Variants in PSMF1 observed in about 807,000 individuals in gnomAD.
PSMF1 encodes proteasome inhibitor subunit 1, also known as proteasome inhibitor PI31 subunit.
PSMF1 carries 30 observed loss-of-function variants against 29.3 expected under a neutral mutation model. That is an observed-to-expected ratio of 1.02 (90% CI 0.77 to 1.39). The LOEUF (loss-of-function observed/expected upper bound fraction) is 1.39, where lower values mean the gene tolerates loss of function less well. Among genes scored for constraint, PSMF1 ranks in the 40% most tolerant of loss-of-function variants. PSMF1 has a pLI of 0.00. For synonymous variants in PSMF1, 134 were observed against 139.7 expected (o/e 0.96, Z 0.29); for missense variants, 344 against 357.5 (o/e 0.96, Z 0.31).
At position 1,163,035 on chromosome 20, in the gene PSMF1, G is replaced by T; in HGVS notation, c.552-95G>T. On this transcript the variant is annotated intron_variant, in intron 4 of 6. Coordinates refer to ENST00000335877, the MANE Select transcript of PSMF1 (RefSeq NM_006814.5). This position sits in a 1 kb window ranked among gnomAD's most constrained non-coding sequence, Gnocchi z 6.1. ...TCCCTTGTGCTATGGTCTCATGCAA[G>T]GGTTTCCCATGCCTGTGAGTGTGTT... 7.3e-7 allele frequency: 1 copy of T among 1,371,138 alleles called. No individual in the cohort carries two copies. The highest frequency in any genetic ancestry group is 2.4e-5 in the East Asian group (1 of 42,468). The allele number at this position is 1,371,138 out of a possible 1,614,324, so 84.9% of individuals were successfully genotyped here.
chr20:1,136,480 C>T (rs532046575), intron 4 of PSMF1, among the ~76,000 whole-genome samples: 1 of 152,236 alleles, frequency 6.6e-6, no homozygotes, highest in South Asian at 2.1e-4. Context: ...AGACCCAATG[C>T]CCATTTCAAA....
At chr20:1,120,418 G>A (rs1203432375) in intron 1 of PSMF1, among the ~76,000 whole-genome samples, 2 of 152,090 alleles carry the variant, frequency 1.3e-5, no homozygotes, top group Non-Finnish European at 2.9e-5. Context: ...CTTTCTCTTT[G>A]TGCTGCTCTT....
At chr20:1,137,703 A>G (rs2086324914) in intron 4 of PSMF1, among the ~76,000 whole-genome samples, 1 of 152,220 alleles carries the variant, frequency 6.6e-6, no homozygotes, top group Admixed American at 6.5e-5. Context: ...TTGGATCTTG[A>G]TTCAAACTAA....
At chr20:1,141,339 A>G (rs1217790030) in intron 4 of PSMF1, among the ~76,000 whole-genome samples, 1 of 152,230 alleles carries the variant, frequency 6.6e-6, no homozygotes, top group Non-Finnish European at 1.5e-5. Flanking sequence ...TATCTCAATA[A>G]AGCTATAAAA....
Position 1,166,222 on chromosome 20 carries a change from T to G in PSMF1, c.*1142T>G, listed in dbSNP as rs2086728516. 1.2e-6 allele frequency: 2 copies of G among 1,612,286 alleles called. No individual in the cohort carries two copies. Among genetic ancestry groups the G allele is most frequent in the South Asian group, 2.2e-5 (2 of 90,870 alleles). ...GACCTTTGGTGTTCTCCGGATCCTTTTCAGCCCGAGGCCTGACAGACGCGG... is the reference window on the plus strand; with the variant it reads ...GACCTTTGGTGTTCTCCGGATCCTTGTCAGCCCGAGGCCTGACAGACGCGG... On this transcript the variant is annotated 3_prime_UTR_variant, in exon 7 of 7. Transcript: ENST00000335877.
At chr20:1,123,101 T>C (rs1289753943) in intron 1 of PSMF1, among the ~76,000 whole-genome samples, 1 of 152,248 alleles carries the variant, frequency 6.6e-6, no homozygotes, top group Non-Finnish European at 1.5e-5. Flanking sequence ...AGTTTTACTT[T>C]TGTTTTTCCT....
At chr20:1,153,376 A>G (rs534149103) in intron 4 of PSMF1, among the ~76,000 whole-genome samples, 1 of 152,102 alleles carries the variant, frequency 6.6e-6, no homozygotes, top group Non-Finnish European at 1.5e-5. Context: ...CCTCAGCTCC[A>G]TAAGACCTTC....
rs745705853 is a variant in PSMF1, at chr20:1,118,811, C to G, written c.38C>G (p.Pro13Arg). 6 of 1,613,558 alleles carry G rather than the reference C, an allele frequency of 3.7e-6. No homozygotes were observed. Among genetic ancestry groups the G allele is most frequent in the East Asian group, 4.5e-5 (2 of 44,884 alleles). ...GAGGTACTGTTCGCATCGGCAGCGC[C>G]GGCCATCACCTGCAGGCAGGACGCG... ...GLEVLFASAA[P>R]AITCRQDALV... Residue 13 changes from proline (P) to arginine (R), a missense_variant, in exon 1 of 7, where the codon CCG (proline) becomes CGG (arginine). Pro to Arg is a moderately radical substitution (Grantham distance 103). Transcript: ENST00000335877.
Position 1,135,316 on chromosome 20 carries a change from G to A in PSMF1, c.551+10G>A, listed in dbSNP as rs1481304223. On this transcript the variant is annotated intron_variant, in intron 4 of 6. Coordinates refer to ENST00000335877, the MANE Select transcript of PSMF1 (RefSeq NM_006814.5). ...GTCGGCAGCCTCCCTGGTGAGTACA[G>A]AGTGCCTAGCGGGAAGCCCATGCTT... 10 of 1,603,886 alleles carry A rather than the reference G, an allele frequency of 6.2e-6. No homozygotes were observed. Among genetic ancestry groups the A allele is most frequent in the Non-Finnish European group, 8.5e-6 (10 of 1,174,816 alleles).
intron 1 of PSMF1, among the ~76,000 whole-genome samples, chr20:1,123,494 A>G (rs1167987463): frequency 6.6e-6 from 1 of 152,176 alleles, no homozygotes; most frequent in Admixed American, 6.5e-5. Context: ...GTGGTACTGG[A>G]GTGTAAACCT....
intron 4 of PSMF1, chr20:1,161,495 C>A (rs2086666583): frequency 3.9e-6 from 2 of 516,584 alleles, no homozygotes; most frequent in African/African-American, 3.9e-5. Context: ...TGTACCCAAG[C>A]ATCTCCAACA....
At chr20:1,143,644 A>G (rs144077071) in intron 4 of PSMF1, among the ~76,000 whole-genome samples, 280 of 152,344 alleles carry the variant, frequency 1.8e-3, no homozygotes, top group African/African-American at 6.4e-3. Context: ...TGAAATTTAA[A>G]ACTTTTGCTC....
chr20:1,161,388 A>G, intron 4 of PSMF1: 1 of 355,420 alleles, frequency 2.8e-6, no homozygotes, highest in Non-Finnish European at 5.2e-6. Context: ...GGAATTTTGC[A>G]GCATCCATGA....
Position 1,168,751 on chromosome 20 carries a change from C to CT in PSMF1, c.*3671_*3672insT, listed in dbSNP as rs1450374166. Among the ~76,000 whole-genome samples, 5 of 152,170 alleles carry CT rather than the reference C, an allele frequency of 3.3e-5. No individual in the cohort carries two copies. The highest frequency in any genetic ancestry group is 7.3e-5 in the Non-Finnish European group (5 of 68,036). On this transcript the variant is annotated 3_prime_UTR_variant, in exon 7 of 7. Coordinates refer to ENST00000335877, the MANE Select transcript of PSMF1 (RefSeq NM_006814.5). The stretch of plus-strand genomic sequence containing the variant: ...TGTTAATAACATTCTATTAATGATC[C>CT]ATGCCTCTCTTCACAGGAGGAATAT...
At chr20:1,118,585 C>A (rs2086036318), upstream of PSMF1, 2 of 629,348 alleles carry the variant, frequency 3.2e-6, no homozygotes, top group Non-Finnish European at 5.0e-6. Context: ...GTTGCGCCCG[C>A]TGTTGGGACT....
chr20:1,118,131 T>G (rs907462267), upstream of PSMF1: 3 of 152,304 alleles, frequency 2.0e-5, no homozygotes, highest in African/African-American at 7.2e-5. Flanking sequence ...CCATAACCAT[T>G]TCAGCCGTTC....
chr20:1,164,881 G>A lies in PSMF1; in HGVS notation c.765-148G>A. 1 of 742,382 alleles carries A rather than the reference G, an allele frequency of 1.3e-6. No homozygotes were observed. The highest frequency in any genetic ancestry group is 2.3e-6 in the Non-Finnish European group (1 of 430,468). 46.0% of individuals were successfully genotyped at this position (742,382 alleles called of 1,614,324 possible). ...CGGGGGAGTCAGGATTCAAACCCCG[G>A]TTGTCTGGCTCTTGAGTGCATGTGT... On this transcript the variant is annotated intron_variant, in intron 6 of 6. Coordinates refer to ENST00000335877, the MANE Select transcript of PSMF1 (RefSeq NM_006814.5). This position sits in a 1 kb window ranked among gnomAD's most constrained non-coding sequence, Gnocchi z 4.1.
chr20:1,122,295 CT>C (rs144183769), intron 1 of PSMF1, among the ~76,000 whole-genome samples: 74 of 131,632 alleles, frequency 5.6e-4, no homozygotes, highest in East Asian at 4.8e-3. Flanking sequence ...TTTTTCTTTT[CT>C]TTTTTTTTTT....
In PSMF1 at chr20:1,169,280, G is replaced by A. The variant is rs1204080464; in HGVS notation, c.*4200G>A. Among the ~76,000 whole-genome samples, 1 of 152,230 alleles carries A rather than the reference G, an allele frequency of 6.6e-6. No individual in the cohort carries two copies. Among genetic ancestry groups the A allele is most frequent in the Non-Finnish European group, 1.5e-5 (1 of 68,044 alleles). ...CAGGTAGGATGGTAGGCAGTGAGGGGTGGCAAGGCCTAGCTGACTGAGGAC... is the reference window on the plus strand; with the variant it reads ...CAGGTAGGATGGTAGGCAGTGAGGGATGGCAAGGCCTAGCTGACTGAGGAC... On this transcript the variant is annotated 3_prime_UTR_variant, in exon 7 of 7. Transcript: ENST00000335877.
Sources: allele counts gnomAD v4.1 joint callset (sites outside exome capture counted in the v4.1 genomes callset), GRCh38; gene constraint gnomAD v4.1.1; non-coding constraint Gnocchi (gnomAD v3.1); transcripts MANE v1.5; gene names NCBI Gene and HGNC (gene_info 2026-07-23, HGNC 2026-07-21).